SCAPER: variants seen among roughly 807,000 people sequenced by gnomAD.
SCAPER encodes S phase cyclin A-associated protein in the endoplasmic reticulum.
In SCAPER, 98 loss-of-function variants were observed where a neutral mutation model predicts 182.2. That is an observed-to-expected ratio of 0.54 (90% CI 0.46 to 0.64). The LOEUF (loss-of-function observed/expected upper bound fraction) is 0.64, where lower values mean the gene tolerates loss of function less well. SCAPER is among the 30% of genes least tolerant of loss of function. The pLI is 0.00. For synonymous variants in SCAPER, 605 were observed against 564.6 expected, an observed-to-expected ratio of 1.07 and a Z score of -1.01; for missense variants, 1,432 against 1,690.0, an observed-to-expected ratio of 0.85 and a Z score of 2.68.
chr15:76,782,473 G>A (rs1284964925), intron 8 of SCAPER, among the ~76,000 whole-genome samples: 1 of 152,132 alleles, frequency 6.6e-6, no homozygotes, highest in Non-Finnish European at 1.5e-5. Context: ...ACAGATCAAT[G>A]AGACAGAAGG....
chr15:76,797,152 G>C (rs1445257642), intron 7 of SCAPER: 1 of 152,156 alleles, frequency 6.6e-6, no homozygotes, highest in Admixed American at 6.5e-5. Context: ...GAAGTTAGGA[G>C]ATAAAAAGCA....
At chr15:76,821,125 T>TAAA (rs747222805) in intron 5 of SCAPER, among the ~76,000 whole-genome samples, 1 of 152,212 alleles carries the variant, frequency 6.6e-6, no homozygotes, top group East Asian at 1.9e-4. Context: ...GCACTCCTAG[T>TAAA]AAATACCCAA....
chr15:76,729,185 C>A (rs1007685573), intron 16 of SCAPER, among the ~76,000 whole-genome samples: 2 of 151,640 alleles, frequency 1.3e-5, no homozygotes, highest in Admixed American at 1.3e-4. Context: ...TACTCCTCAG[C>A]TTGTAGACAC....
chr15:76,796,863 A>G (rs1035177239), intron 7 of SCAPER, among the ~76,000 whole-genome samples: 9 of 152,312 alleles, frequency 5.9e-5, no homozygotes, highest in African/African-American at 2.2e-4. Flanking sequence ...AAGCCCATCA[A>G]CCTTTAAAGG....
rs60494575 is a variant in SCAPER, at chr15:76,600,387, A to ATGTGTGTGTG, written c.2711+21367_2711+21376dup. 9.0e-5 allele frequency among the ~76,000 whole-genome samples: 8 copies of ATGTGTGTGTG among 88,722 alleles called. 1 individual carries two copies. The highest frequency in any genetic ancestry group is 2.5e-4 in the African/African-American group (8 of 32,302). The allele number at this position is 88,722 out of a possible 152,430, so 58.2% of individuals were successfully genotyped here. A position where few individuals can be genotyped will look rare whatever the true frequency, so the allele number is the denominator to read the frequency against. On this transcript the variant is annotated intron_variant, in intron 22 of 31. Transcript: ENST00000563290. ...TAGCATACTTGGAAAGTGTGTGTAT[A>ATGTGTGTGTG]TGTGTGTGTGTGTGTGTGTGTGTGT...
chr15:76,650,490 T>C (rs1316966100), intron 21 of SCAPER, among the ~76,000 whole-genome samples: 1 of 151,958 alleles, frequency 6.6e-6, no homozygotes, highest in Non-Finnish European at 1.5e-5. Context: ...AATTTGTATA[T>C]ATATCTAATA....
At chr15:76,617,552 C>T (rs1414069024) in intron 22 of SCAPER, among the ~76,000 whole-genome samples, 1 of 152,164 alleles carries the variant, frequency 6.6e-6, no homozygotes, top group East Asian at 1.9e-4. Flanking sequence ...TCCTGGATGG[C>T]CTTAATCCCT....
In SCAPER at chr15:76,701,809, G is replaced by A. The variant is rs146898365; in HGVS notation, c.2457C>T (p.Ala819=). 3.2e-4 allele frequency: 510 copies of A among 1,613,654 alleles called. 1 individual carries two copies. The African/African-American group carries it at 5.5e-3, about 17-fold the overall frequency. ...SHVKGRKHQQ[A]VRENTSIQGR... ...CCTGGATGCTGGTATTCTCTCTCAC[G>A]GCTTGCTGGTGTTTTCTCCCTTTAA... Residue 819 remains alanine (A), a synonymous_variant, in exon 20 of 32, where the codon GCC becomes GCT. Transcript: ENST00000563290.
chr15:76,897,322 T>C (rs2152619746), intron 1 of SCAPER, among the ~76,000 whole-genome samples: 1 of 152,200 alleles, frequency 6.6e-6, no homozygotes, highest in African/African-American at 2.4e-5. Context: ...CAGATTACAC[T>C]AGGCTCTGAC....
At chr15:76,431,529 C>G (rs1567125862) in intron 26 of SCAPER, among the ~76,000 whole-genome samples, 1 of 151,914 alleles carries the variant, frequency 6.6e-6, no homozygotes, top group South Asian at 2.1e-4. Context: ...GGGATACAGC[C>G]AGAGAACAGC....
At chr15:76,720,207 G>A (rs1306084916) in intron 17 of SCAPER, among the ~76,000 whole-genome samples, 1 of 151,342 alleles carries the variant, frequency 6.6e-6, no homozygotes, top group Non-Finnish European at 1.5e-5. Flanking sequence ...GCGATAGTTT[G>A]CTGAGAATGA....
intron 15 of SCAPER, among the ~76,000 whole-genome samples, chr15:76,752,803 G>A (rs2062173397): frequency 6.6e-6 from 1 of 151,582 alleles, no homozygotes; most frequent in South Asian, 2.1e-4. Context: ...ATACATGGTG[G>A]TGATGACTGC....
At chr15:76,621,707 C>T (rs2052076785) in intron 22 of SCAPER, 57 bp downstream of exon 22, 4 of 1,342,274 alleles carry the variant, frequency 3.0e-6, no homozygotes, top group Non-Finnish European at 3.1e-6. Context: ...GGTTGAGATA[C>T]ACTTTTGTTA....
intron 15 of SCAPER, among the ~76,000 whole-genome samples, chr15:76,738,425 T>C (rs1344527428): frequency 6.6e-6 from 1 of 152,094 alleles, no homozygotes; most frequent in African/African-American, 2.4e-5. Flanking sequence ...TGTAAAACTC[T>C]TCTTTCACTT....
At position 76,800,381 on chromosome 15, in the gene SCAPER, T is replaced by A; in HGVS notation, c.495-17A>T. 1 of 1,433,394 alleles carries A rather than the reference T, an allele frequency of 7.0e-7. No homozygotes were observed. Among genetic ancestry groups the A allele is most frequent in the Non-Finnish European group, 9.8e-7 (1 of 1,022,348 alleles). 88.8% of individuals were successfully genotyped at this position (1,433,394 alleles called of 1,614,324 possible). A position where few individuals can be genotyped will look rare whatever the true frequency, so the allele number is the denominator to read the frequency against. On this transcript the variant is annotated splice_polypyrimidine_tract_variant and intron_variant, in intron 6 of 31. Transcript: ENST00000563290. ...GATGTTGGTCTGCGAATTCAATATA[T>A]AAACCAGATTAAATTAACAGAGAAA...
chr15:76,509,441 C>T (rs1366650152), intron 23 of SCAPER, among the ~76,000 whole-genome samples: 1 of 152,138 alleles, frequency 6.6e-6, no homozygotes, highest in Non-Finnish European at 1.5e-5. Context: ...ATCTTTGGGT[C>T]CAAGCTTACC....
chr15:76,638,727 T>G (rs1039725436), intron 21 of SCAPER, among the ~76,000 whole-genome samples: 3 of 152,216 alleles, frequency 2.0e-5, no homozygotes, highest in Non-Finnish European at 4.4e-5. Context: ...GTATATAAAC[T>G]ATGTCGAGAA....
chr15:76,870,694 A>G (rs1488137426), intron 2 of SCAPER, among the ~76,000 whole-genome samples: 1 of 151,952 alleles, frequency 6.6e-6, no homozygotes, highest in African/African-American at 2.4e-5. Flanking sequence ...TGAAAACATA[A>G]AAAAAATAGA....
chr15:76,429,325 A>G (rs2046694668), intron 26 of SCAPER, among the ~76,000 whole-genome samples: 2 of 152,300 alleles, frequency 1.3e-5, no homozygotes, highest in South Asian at 4.1e-4. Flanking sequence ...AGTTCCCTGA[A>G]AATGTTGGAA....
Sources: allele counts gnomAD v4.1 joint callset (sites outside exome capture counted in the v4.1 genomes callset), GRCh38; gene constraint gnomAD v4.1.1; transcripts MANE v1.5; gene names NCBI Gene and HGNC (gene_info 2026-07-23, HGNC 2026-07-21).